Variants in NXPH1 observed in about 807,000 individuals in gnomAD.
The protein encoded by NXPH1 is neurexophilin-1.
In NXPH1, 5 loss-of-function variants were observed where a neutral mutation model predicts 23.7. The observed-to-expected ratio is 0.21, with a 90% confidence interval of 0.11 to 0.44. NXPH1 has a LOEUF of 0.44. Ranked by LOEUF, NXPH1 falls within the 20% of genes least tolerant of loss-of-function variation. NXPH1 has a pLI of 0.99. For missense variants in NXPH1, 324 were observed against 321.6 expected, an observed-to-expected ratio of 1.01 and a Z score of -0.06; for synonymous variants, 144 against 122.2, an observed-to-expected ratio of 1.18 and a Z score of -1.18.
Position 8,751,247 on chromosome 7 carries a change from A to G in NXPH1, c.294A>G (p.Gln98=), listed in dbSNP as rs369902603. 12 of 1,613,796 alleles carry G rather than the reference A, an allele frequency of 7.4e-6. No individual in the cohort carries two copies. The highest frequency in any genetic ancestry group is 1.0e-5 in the Non-Finnish European group (12 of 1,179,838). ...GGCTGAGGAACTCCACAGACCTTCA[A>G]GAGCCTCGGCCCAGGGCCAAGAGAA... ...WDWLRNSTDL[Q]EPRPRAKRRP... The change falls in exon 3 of 3, where the codon CAA becomes CAG. Residue 98 remains glutamine, a synonymous_variant. Transcript: ENST00000405863. The surrounding 1 kb of genome is among the most constrained non-coding windows in gnomAD (Gnocchi z 4.5).
At chr7:8,576,538 G>A (rs1818759176) in intron 2 of NXPH1, among the ~76,000 whole-genome samples, 2 of 152,160 alleles carry the variant, frequency 1.3e-5, no homozygotes, top group African/African-American at 4.8e-5. Flanking sequence ...ATGGAAGAAA[G>A]TGGTGAATGA....
intron 2 of NXPH1, among the ~76,000 whole-genome samples, chr7:8,570,394 T>C (rs1818621633): frequency 6.6e-6 from 1 of 151,936 alleles, no homozygotes; most frequent in South Asian, 2.1e-4. Context: ...GTTAGTGTCA[T>C]TGTGAAGTGA....
chr7:8,457,395 G>T (rs1339906898), intron 2 of NXPH1, among the ~76,000 whole-genome samples: 1 of 152,186 alleles, frequency 6.6e-6, no homozygotes, highest in African/African-American at 2.4e-5. Flanking sequence ...AGAAGGCATT[G>T]TCAAGCTATG....
At chr7:8,641,604 T>A (rs10257265) in intron 2 of NXPH1, among the ~76,000 whole-genome samples, 2 of 151,918 alleles carry the variant, frequency 1.3e-5, no homozygotes, top group African/African-American at 4.8e-5. Flanking sequence ...TATGCTTTGT[T>A]GGTTTCCTTT....
chr7:8,551,797 A>G (rs1034183368), intron 2 of NXPH1, among the ~76,000 whole-genome samples: 1 of 151,488 alleles, frequency 6.6e-6, no homozygotes, highest in Non-Finnish European at 1.5e-5. Flanking sequence ...GCAAGAAAAC[A>G]GTGTTGTACA....
At chr7:8,467,526 G>T (rs1047686541) in intron 2 of NXPH1, among the ~76,000 whole-genome samples, 3 of 152,092 alleles carry the variant, frequency 2.0e-5, no homozygotes, top group African/African-American at 7.2e-5. Flanking sequence ...TCTTTATGTT[G>T]TTAACTTTCT....
chr7:8,579,956 A>G (rs1019104405), intron 2 of NXPH1, among the ~76,000 whole-genome samples: 2 of 152,218 alleles, frequency 1.3e-5, no homozygotes, highest in Admixed American at 1.3e-4. Flanking sequence ...AAGTCTTTAC[A>G]TAAAAAACGG....
At chr7:8,476,190 C>A (rs1232664770) in intron 2 of NXPH1, among the ~76,000 whole-genome samples, 1 of 152,088 alleles carries the variant, frequency 6.6e-6, no homozygotes, top group East Asian at 1.9e-4. Flanking sequence ...TTTCCCTATT[C>A]TGTGTGTATT....
intron 2 of NXPH1, among the ~76,000 whole-genome samples, chr7:8,669,234 A>T (rs550335732): frequency 2.0e-5 from 3 of 152,296 alleles, no homozygotes; most frequent in Admixed American, 2.0e-4. Flanking sequence ...GTGCCAGCCT[A>T]GGTCCCAAGA....
chr7:8,494,151 C>T (rs1010625350), intron 2 of NXPH1, among the ~76,000 whole-genome samples: 1 of 151,312 alleles, frequency 6.6e-6, no homozygotes, highest in East Asian at 2.0e-4. Context: ...TGTTTTCTAA[C>T]TTGATTTTTC....
rs933789437 is a variant in NXPH1 at position 8,459,849 on chromosome 7, C to G, written c.54+24082C>G. On this transcript the variant is annotated intron_variant, in intron 2 of 2. Transcript: ENST00000405863. ...AGATATGCAATAAATATTTGTTGCACGAATGAATTCGTGAATGAACATTGC... is the reference window on the plus strand; with the variant it reads ...AGATATGCAATAAATATTTGTTGCAGGAATGAATTCGTGAATGAACATTGC... 2.0e-5 allele frequency among the ~76,000 whole-genome samples: 3 copies of G among 152,218 alleles called. No homozygotes were observed. The South Asian group carries it at 6.2e-4, about 32-fold the overall frequency.
chr7:8,543,292 T>G (rs1818146873), intron 2 of NXPH1, among the ~76,000 whole-genome samples: 1 of 151,652 alleles, frequency 6.6e-6, no homozygotes, highest in Non-Finnish European at 1.5e-5. Context: ...TTTCCAAACC[T>G]TATCCATGCA....
At chr7:8,494,034 T>A (rs1817296588) in intron 2 of NXPH1, among the ~76,000 whole-genome samples, 1 of 152,046 alleles carries the variant, frequency 6.6e-6, no homozygotes, top group South Asian at 2.1e-4. Flanking sequence ...AGAAAAGTTC[T>A]TTCTTATGTA....
intron 2 of NXPH1, among the ~76,000 whole-genome samples, chr7:8,539,938 T>C (rs541584627): frequency 1.3e-5 from 2 of 151,998 alleles, no homozygotes; most frequent in East Asian, 3.9e-4. Context: ...TTTCTTCTTA[T>C]GAATATGTGC....
At chr7:8,749,218 T>G (rs925894421) in intron 2 of NXPH1, among the ~76,000 whole-genome samples, 1 of 152,234 alleles carries the variant, frequency 6.6e-6, no homozygotes, top group Non-Finnish European at 1.5e-5. Context: ...CCAGCCACTG[T>G]TCTAAAGGTT....
chr7:8,475,338 T>C (rs528742872), intron 2 of NXPH1, among the ~76,000 whole-genome samples: 3 of 152,162 alleles, frequency 2.0e-5, no homozygotes, highest in Admixed American at 6.6e-5. Context: ...ACCTTTCTGT[T>C]CTATAACTAA....
intron 2 of NXPH1, among the ~76,000 whole-genome samples, chr7:8,526,405 C>A (rs1016996984): frequency 1.3e-5 from 2 of 152,140 alleles, no homozygotes; most frequent in African/African-American, 4.8e-5. Context: ...GGACTGTGAA[C>A]TTTTGGGTTA....
chr7:8,438,401 A>C (rs1816232640), intron 2 of NXPH1, among the ~76,000 whole-genome samples: 2 of 152,218 alleles, frequency 1.3e-5, no homozygotes, highest in Non-Finnish European at 2.9e-5. Context: ...AGAGTGGCAA[A>C]ACCATTATTT....
In NXPH1 at chr7:8,442,523, T is replaced by A. The variant is rs1816320634; in HGVS notation, c.54+6756T>A. Among the ~76,000 whole-genome samples, 1 of 152,212 alleles carries A rather than the reference T, an allele frequency of 6.6e-6. No individual in the cohort carries two copies. Among genetic ancestry groups the A allele is most frequent in the Non-Finnish European group, 1.5e-5 (1 of 68,026 alleles). ...CATCCGGCTCACACATCCCACCCTA[T>A]GTCTTAGACCCCGTCCTCACACATT... On this transcript the variant is annotated intron_variant, in intron 2 of 2. Coordinates refer to ENST00000405863, the MANE Select transcript of NXPH1 (RefSeq NM_152745.3). The surrounding 1 kb of genome is among the most constrained non-coding windows in gnomAD (Gnocchi z 4.6).
Sources: allele counts gnomAD v4.1 joint callset (sites outside exome capture counted in the v4.1 genomes callset), GRCh38; gene constraint gnomAD v4.1.1; non-coding constraint Gnocchi (gnomAD v3.1); transcripts MANE v1.5; gene names NCBI Gene and HGNC (gene_info 2026-07-23, HGNC 2026-07-21).